The following SCEL variants were observed in gnomAD, a reference collection of about 807,000 sequenced individuals.
The protein encoded by SCEL is sciellin.
Under a neutral mutation model 117.6 loss-of-function variants are expected in SCEL, and 113 were observed. The ratio of observed to expected loss-of-function variants is 0.96; its 90% CI spans 0.83 to 1.12. The LOEUF (loss-of-function observed/expected upper bound fraction) is 1.12, where lower values mean the gene tolerates loss of function less well. Among genes scored for constraint, SCEL ranks in the 50% most tolerant of loss-of-function variants. The probability of loss-of-function intolerance (pLI) is 0.00; values close to 1 mark genes in which losing one functional copy is unlikely to be tolerated. For missense variants in SCEL, 785 were observed against 810.8 expected, an observed-to-expected ratio of 0.97 and a Z score of 0.39; for synonymous variants, 270 against 256.2, an observed-to-expected ratio of 1.05 and a Z score of -0.51.
At chr13:77,637,047 G>A (rs1204264607) in intron 29 of SCEL, 73 bp from the exon 30 acceptor site, 2 of 662,028 alleles carry the variant, frequency 3.0e-6, no homozygotes, top group East Asian at 3.3e-5. Flanking sequence ...TTCATGAGGT[G>A]GTGTGAGTGT....
intron 1 of SCEL, among the ~76,000 whole-genome samples, chr13:77,547,834 C>A (rs2084079556): frequency 1.3e-5 from 2 of 152,166 alleles, no homozygotes; most frequent in Non-Finnish European, 2.9e-5. Context: ...CCCTCTTTCT[C>A]TCTGTTAATG....
At chr13:77,629,028 TA>T (rs540694816) in intron 28 of SCEL, among the ~76,000 whole-genome samples, 29 of 152,150 alleles carry the variant, frequency 1.9e-4, no homozygotes, top group African/African-American at 2.6e-4. Flanking sequence ...GTGATTGGGG[TA>T]AAAAAAATTA....
intron 12 of SCEL, among the ~76,000 whole-genome samples, chr13:77,594,426 C>T (rs1187989651): frequency 6.6e-6 from 1 of 152,222 alleles, no homozygotes; most frequent in African/African-American, 2.4e-5. Flanking sequence ...GTAGCCTTTT[C>T]CAGCCTCAAG....
In SCEL at chr13:77,644,327, C is replaced by A; in HGVS notation, c.*53C>A. The stretch of plus-strand genomic sequence containing the variant: ...AGCACTCATTAAGGAATTAAAGTTA[C>A]AAGTTTTATCTTAATAATATGTAAT... On this transcript the variant is annotated 3_prime_UTR_variant, in exon 33 of 33. Coordinates refer to ENST00000349847, the MANE Select transcript of SCEL (RefSeq NM_144777.3). 1 of 1,547,862 alleles carries A rather than the reference C, an allele frequency of 6.5e-7. No homozygotes were observed. Among genetic ancestry groups the A allele is most frequent in the Non-Finnish European group, 8.9e-7 (1 of 1,123,156 alleles).
intron 5 of SCEL, among the ~76,000 whole-genome samples, chr13:77,565,084 T>C (rs1295522655): frequency 1.3e-5 from 2 of 152,160 alleles, no homozygotes; most frequent in Non-Finnish European, 2.9e-5. Flanking sequence ...TAATTGAGAC[T>C]CAAGTAAGGT....
At chr13:77,553,228 G>C (rs1334390919) in intron 1 of SCEL, among the ~76,000 whole-genome samples, 1 of 152,162 alleles carries the variant, frequency 6.6e-6, no homozygotes, top group Non-Finnish European at 1.5e-5. Flanking sequence ...AAAGATTTAG[G>C]CCTTTCCCAC....
At chr13:77,589,102 A>G (rs1280633899) in intron 9 of SCEL, 42 bp from the exon 10 acceptor site, 3 of 1,432,894 alleles carry the variant, frequency 2.1e-6, no homozygotes, top group Non-Finnish European at 2.9e-6. Context: ...AAAATTTACC[A>G]TGTTTCCATG....
intron 28 of SCEL, among the ~76,000 whole-genome samples, chr13:77,630,203 T>C (rs1265866990): frequency 3.9e-5 from 6 of 152,178 alleles, no homozygotes; most frequent in Admixed American, 3.9e-4. Context: ...CTGAGGCTGC[T>C]TCTGAGGCTT....
rs1304977586 is a variant in SCEL at position 77,640,785 on chromosome 13, G to A, written c.1947+1G>A. ...TTGCTGCCATTCTACTTGCTTTAAGGTAAGGATGTGTTTATTTCACTTAAT... is the reference window on the plus strand; with the variant it reads ...TTGCTGCCATTCTACTTGCTTTAAGATAAGGATGTGTTTATTTCACTTAAT... On this transcript the variant is annotated splice_donor_variant, in intron 31 of 32. Coordinates refer to ENST00000349847, the MANE Select transcript of SCEL (RefSeq NM_144777.3). LOFTEE classifies it high-confidence loss of function. 4 of 1,396,482 alleles carry A rather than the reference G, an allele frequency of 2.9e-6. No homozygotes were observed. The highest frequency in any genetic ancestry group is 4.0e-6 in the Non-Finnish European group (4 of 991,490). 86.5% of individuals were successfully genotyped at this position (1,396,482 alleles called of 1,614,324 possible).
intron 1 of SCEL, among the ~76,000 whole-genome samples, chr13:77,548,590 C>T (rs1375387679): frequency 6.6e-6 from 1 of 152,156 alleles, no homozygotes; most frequent in African/African-American, 2.4e-5. Context: ...CTCTGTGTCC[C>T]CAACCAAATC....
chr13:77,584,995 C>T (rs2086481042), intron 9 of SCEL, among the ~76,000 whole-genome samples: 1 of 152,214 alleles, frequency 6.6e-6, no homozygotes, highest in Admixed American at 6.5e-5. Context: ...TACCTGGCAC[C>T]TAGTAGGTGT....
At chr13:77,542,032 A>G (rs553430820) in intron 1 of SCEL, among the ~76,000 whole-genome samples, 1 of 152,244 alleles carries the variant, frequency 6.6e-6, no homozygotes, top group Admixed American at 6.5e-5. Context: ...AATGAATATT[A>G]GACCAGTGTT....
In SCEL at chr13:77,644,305, A is replaced by G. The variant is rs200686079; in HGVS notation, c.*31A>G. The G allele has an allele frequency of 2.1e-5, 34 of 1,609,148 alleles. No individual in the cohort carries two copies. The East Asian group carries it at 7.6e-4, about 36-fold the overall frequency. On this transcript the variant is annotated 3_prime_UTR_variant, in exon 33 of 33. Transcript: ENST00000349847. ...GCACAAGGAAATCAAGATGAAAAGC[A>G]CTCATTAAGGAATTAAAGTTACAAG...
intron 1 of SCEL, among the ~76,000 whole-genome samples, chr13:77,549,592 A>C (rs2084188108): frequency 6.6e-6 from 1 of 152,228 alleles, no homozygotes; most frequent in South Asian, 2.1e-4. Flanking sequence ...ACAAATGGGA[A>C]CTAGGATCCG....
chr13:77,572,858 T>C (rs2085721301), intron 9 of SCEL, among the ~76,000 whole-genome samples: 1 of 152,126 alleles, frequency 6.6e-6, no homozygotes, highest in African/African-American at 2.4e-5. Flanking sequence ...ATGTGAATTT[T>C]GGGGGCAGAG....
intron 27 of SCEL, among the ~76,000 whole-genome samples, chr13:77,618,944 CT>C (rs1567427412): frequency 6.6e-6 from 1 of 152,122 alleles, no homozygotes; most frequent in Non-Finnish European, 1.5e-5. Flanking sequence ...CCATTTTACA[CT>C]CTTAAGATAT....
chr13:77,538,231 C>G (rs1395877317), intron 1 of SCEL, among the ~76,000 whole-genome samples: 2 of 151,818 alleles, frequency 1.3e-5, no homozygotes, highest in African/African-American at 2.4e-5. Flanking sequence ...ATTCTCCTGC[C>G]TCAGCTTCCT....
At chr13:77,539,814 G>T (rs918252789) in intron 1 of SCEL, among the ~76,000 whole-genome samples, 2 of 152,144 alleles carry the variant, frequency 1.3e-5, no homozygotes, top group Admixed American at 6.5e-5. Flanking sequence ...GATTACAGGC[G>T]TGAGCCACTG....
chr13:77,562,223 T>C (rs2085023879), intron 4 of SCEL, among the ~76,000 whole-genome samples: 1 of 152,068 alleles, frequency 6.6e-6, no homozygotes, highest in Non-Finnish European at 1.5e-5. Context: ...ACATGTCTTA[T>C]TGTGATAAGC....
Sources: gnomAD v4.1 joint callset for allele counts (sites outside exome capture counted in the v4.1 genomes callset) on GRCh38, gnomAD v4.1.1 for gene constraint, MANE v1.5 for transcripts, NCBI Gene and HGNC (gene_info 2026-07-23, HGNC 2026-07-21) for gene names.